Variants in GLRA2 observed in about 807,000 individuals in gnomAD.
GLRA2 encodes the protein glycine receptor alpha 2.
A neutral mutation model predicts 31.6 loss-of-function variants in GLRA2; 11 were observed. The ratio of observed to expected loss-of-function variants is 0.35; its 90% confidence interval spans 0.22 to 0.58. The LOEUF is 0.58. Among genes scored for constraint, GLRA2 ranks in the 20% least tolerant of loss-of-function variants. GLRA2 has a pLI of 0.84. For missense variants in GLRA2, 212 were observed against 351.8 expected (o/e 0.60, Z 3.18); for synonymous variants, 132 against 134.0 (o/e 0.99, Z 0.10).
chrX:14,632,839 C>A (rs2090666468), intron 7 of GLRA2, among the ~76,000 whole-genome samples: 1 of 111,512 alleles, frequency 9.0e-6, no homozygotes, highest in African/African-American at 3.3e-5. Context: ...TCAAGGTACA[C>A]ATACTGTATT....
chrX:14,675,919 A>T (rs759028382), intron 7 of GLRA2, among the ~76,000 whole-genome samples: 1 of 112,400 alleles, frequency 8.9e-6, no homozygotes, highest in East Asian at 2.8e-4. Context: ...TAGCTATATA[A>T]AGTTTAGATA....
chrX:14,597,199 C>T (rs996732570), intron 4 of GLRA2, among the ~76,000 whole-genome samples: 7 of 111,614 alleles, frequency 6.3e-5, no homozygotes, highest in African/African-American at 2.3e-4. Flanking sequence ...AACGGATCAA[C>T]ATGGTACAGG....
intron 7 of GLRA2, among the ~76,000 whole-genome samples, chrX:14,684,832 G>A (rs1036693602): frequency 9.0e-6 from 1 of 110,871 alleles, no homozygotes; most frequent in African/African-American, 3.3e-5. Flanking sequence ...GATTGCCCTG[G>A]CCAGAACTTC....
chrX:14,611,506 A>T (rs184577526), intron 7 of GLRA2, among the ~76,000 whole-genome samples: 1 of 113,110 alleles, frequency 8.8e-6, no homozygotes, highest in Non-Finnish European at 1.9e-5. Context: ...ACCATCTTAG[A>T]TATTTAGAGT....
chrX:14,643,925 A>G (rs1042062947), intron 7 of GLRA2, among the ~76,000 whole-genome samples: 1 of 112,260 alleles, frequency 8.9e-6, no homozygotes, highest in African/African-American at 3.2e-5. Context: ...ACAGGAAACT[A>G]TAATATATGG....
chrX:14,710,326 A>T (rs1208516823), intron 8 of GLRA2, among the ~76,000 whole-genome samples: 1 of 112,120 alleles, frequency 8.9e-6, no homozygotes, highest in African/African-American at 3.2e-5. Context: ...GGGGAAAGAA[A>T]GCAGTGGCTA....
chrX:14,690,329 A>G (rs1170740683), intron 7 of GLRA2, among the ~76,000 whole-genome samples: 1 of 112,188 alleles, frequency 8.9e-6, no homozygotes, highest in Non-Finnish European at 1.9e-5. Flanking sequence ...TTTATGGTGT[A>G]TAACATGTTT....
intron 2 of GLRA2, 55 bp from the exon 3 acceptor site, chrX:14,574,278 T>A (rs1322559148): frequency 4.2e-6 from 3 of 721,697 alleles, no homozygotes; most frequent in Non-Finnish European, 6.7e-6. Flanking sequence ...CAGATGTTAA[T>A]GGAGCTGTAT....
chrX:14,584,087 T>G (rs746077819), intron 4 of GLRA2, among the ~76,000 whole-genome samples: 1 of 111,082 alleles, frequency 9.0e-6, no homozygotes, highest in African/African-American at 3.3e-5. Context: ...ATCAAAAAAC[T>G]GCCTTATAGG....
intron 7 of GLRA2, among the ~76,000 whole-genome samples, chrX:14,668,938 C>T (rs1400429183): frequency 2.7e-5 from 3 of 111,891 alleles, no homozygotes; most frequent in African/African-American, 9.7e-5. Context: ...ACCATTAACT[C>T]AAAAGTCCAC....
At chrX:14,450,990 A>T in the GLRA2 span, among the ~76,000 whole-genome samples, 2 of 111,484 alleles carry the variant, frequency 1.8e-5, no homozygotes, top group Admixed American at 9.6e-5. Flanking sequence ...GTGAGCCAAC[A>T]TGCCCAGTCC....
At chrX:14,495,323 C>T in the GLRA2 span, among the ~76,000 whole-genome samples, 2 of 111,121 alleles carry the variant, frequency 1.8e-5, no homozygotes, top group Middle Eastern at 4.6e-3. Flanking sequence ...CTCTAAACAT[C>T]GCAGAAAACT....
the GLRA2 span, among the ~76,000 whole-genome samples, chrX:14,490,943 A>T: frequency 1.8e-5 from 2 of 111,924 alleles, no homozygotes; most frequent in African/African-American, 6.5e-5. Context: ...ATTTACTAAC[A>T]GCATCTGACC....
rs529428488 is a variant in GLRA2 at position 14,624,840 on chromosome X, G to A, written c.930+15635G>A. Among the ~76,000 whole-genome samples, 11 of 111,891 alleles carry A rather than the reference G, an allele frequency of 9.8e-5. No individual in the cohort carries two copies. In the South Asian group the frequency reaches 4.1e-3, roughly 42 times the overall value. On this transcript the variant is annotated intron_variant, in intron 7 of 8. Transcript: ENST00000218075. The stretch of plus-strand genomic sequence containing the variant: ...ATGTATATTCTGCTGATTTGGGGTG[G>A]AGAGTTCTGTAGATGTCTATTAGGT...
rs781744309 is a variant in GLRA2 at position 14,608,987 on chromosome X, C to T, written c.716-4C>T. ...GACTTTAAATGATCATTTCCTCCTT[C>T]TAGGAAAGTTTACCTGCATTGAGGT... On this transcript the variant is annotated splice_polypyrimidine_tract_variant and splice_region_variant and intron_variant, in intron 6 of 8. Transcript: ENST00000218075. The T allele has an allele frequency of 1.3e-5, 12 of 948,524 alleles. No individual in the cohort carries two copies. Among genetic ancestry groups the T allele is most frequent in the Non-Finnish European group, 1.8e-5 (12 of 664,106 alleles). 78.2% of individuals were successfully genotyped at this position (948,524 alleles called of 1,213,427 possible).
chrX:14,627,995 A>G (rs1352078783), intron 7 of GLRA2, among the ~76,000 whole-genome samples: 1 of 111,285 alleles, frequency 9.0e-6, no homozygotes, highest in Non-Finnish European at 1.9e-5. Flanking sequence ...GGATTAGTCT[A>G]ATATAATTTC....
At position 14,582,213 on chromosome X, in the gene GLRA2, C is replaced by CT. The variant is rs1456187409; in HGVS notation, c.494+807_494+808insT. Among the ~76,000 whole-genome samples the CT allele has an allele frequency of 1.7e-3, 65 of 37,871 alleles. 4 individuals carry two copies. The highest frequency in any genetic ancestry group is 0.013 in the African/African-American group (59 of 4,432). 32.9% of individuals were successfully genotyped at this position (37,871 alleles called of 115,157 possible). A position where few individuals can be genotyped will look rare whatever the true frequency, so the allele number is the denominator to read the frequency against. On this transcript the variant is annotated intron_variant, in intron 4 of 8. Transcript: ENST00000218075. Reference sequence around the variant, plus strand: ...AGGTATATCTCCCAATGCTATCCCTCCCCCTCCCCACCCCCACAACAGTCC... The same window carrying CT: ...AGGTATATCTCCCAATGCTATCCCTCTCCCCTCCCCACCCCCACAACAGTCC...
chrX:14,704,873 G>C (rs1318005505), intron 8 of GLRA2, among the ~76,000 whole-genome samples: 2 of 111,570 alleles, frequency 1.8e-5, no homozygotes, highest in African/African-American at 6.5e-5. Context: ...GTCAATATCA[G>C]AAAAAAAGTA....
At chrX:14,462,933 T>A in the GLRA2 span, among the ~76,000 whole-genome samples, 1 of 111,755 alleles carries the variant, frequency 8.9e-6, no homozygotes, top group Non-Finnish European at 1.9e-5. Context: ...GCATTCTGGT[T>A]TTTGGAATTT....
Sources: gnomAD v4.1 joint callset for allele counts (sites outside exome capture counted in the v4.1 genomes callset) on GRCh38, gnomAD v4.1.1 for gene constraint, MANE v1.5 for transcripts, NCBI Gene and HGNC (gene_info 2026-07-23, HGNC 2026-07-21) for gene names.